Variants in SNX22 observed in about 807,000 individuals in gnomAD.
The protein encoded by SNX22 is sorting nexin-22.
SNX22 carries 23 observed loss-of-function variants against 24.7 expected under a neutral mutation model. The observed-to-expected ratio is 0.93, with a 90% CI of 0.67 to 1.32. SNX22 has a LOEUF of 1.32. SNX22 is among the 40% of genes most tolerant of loss of function. SNX22 has a pLI of 0.00. For missense variants in SNX22, 261 were observed against 249.9 expected (o/e 1.04, Z -0.30); for synonymous variants, 99 against 104.0 (o/e 0.95, Z 0.29).
At position 64,153,953 on chromosome 15, in the gene SNX22, G is replaced by A. The variant is rs1200048025; in HGVS notation, c.411G>A (p.Arg137=). Residue 137 remains arginine, a synonymous_variant, in exon 6 of 7, where the codon CGG becomes CGA. Transcript: ENST00000325881. The part of the protein sequence containing the change: ...PGDSSSQQHQ[R]PVLSFHVDPY... ...CTCCCAGCTCCCAGCAGCACCAGCG[G>A]CCTGTCCTGAGCTTCCATGTGGATC... 3.1e-6 allele frequency: 5 copies of A among 1,613,344 alleles called. No homozygotes were observed. Among genetic ancestry groups the A allele is most frequent in the Non-Finnish European group, 4.2e-6 (5 of 1,179,836 alleles).
Position 64,152,640 on chromosome 15 carries a change from C to G in SNX22, c.162C>G (p.Ile54Met). 1 of 1,614,100 alleles carries G rather than the reference C, an allele frequency of 6.2e-7. No individual in the cohort carries two copies. Among genetic ancestry groups the G allele is most frequent in the African/African-American group, 1.3e-5 (1 of 75,058 alleles). The change falls in exon 3 of 7, where the codon ATC becomes ATG. Residue 54 changes from isoleucine to methionine, a missense_variant and splice_region_variant. By Grantham distance (10) the Ile-to-Met change is conservative. Transcript: ENST00000325881. ...CGCACGCGGTAAACCTCCAGTAGATCAAGAAGCTGTACAAAGTGCCCGACT... is the reference window on the plus strand; with the variant it reads ...CGCACGCGGTAAACCTCCAGTAGATGAAGAAGCTGTACAAAGTGCCCGACT... ...YSEFHALHKR[I>M]KKLYKVPDFP...
Position 64,152,702 on chromosome 15 carries a change from G to A in SNX22, c.224G>A (p.Gly75Glu), listed in dbSNP as rs775513840. 3 of 1,614,222 alleles carry A rather than the reference G, an allele frequency of 1.9e-6. No individual in the cohort carries two copies. Among genetic ancestry groups the A allele is most frequent in the Non-Finnish European group, 2.5e-6 (3 of 1,180,046 alleles). Residue 75 changes from glycine (G) to glutamate (E), a missense_variant, in exon 3 of 7, where the codon GGG becomes GAG. By Grantham distance (98) the Gly-to-Glu change is moderately conservative. Coordinates refer to ENST00000325881, the MANE Select transcript of SNX22 (RefSeq NM_024798.3). ...CGCCTGCCCAACTGGAGGACCAGAG[G>A]GTTGGAACAGCGCCGGCAGGGCTTG... Reference protein sequence around the residue: ...SKRLPNWRTRGLEQRRQGLEA... With the variant: ...SKRLPNWRTRELEQRRQGLEA...
In SNX22 at chr15:64,153,638, T is replaced by C; in HGVS notation, c.360-14T>C. 2 of 1,614,032 alleles carry C rather than the reference T, an allele frequency of 1.2e-6. No individual in the cohort carries two copies. The highest frequency in any genetic ancestry group is 1.7e-6 in the Non-Finnish European group (2 of 1,180,000). On this transcript the variant is annotated splice_polypyrimidine_tract_variant and intron_variant, in intron 4 of 6. Coordinates refer to ENST00000325881, the MANE Select transcript of SNX22 (RefSeq NM_024798.3). ...GCATCCCCAGGCAGCTTACAGTGTTTCTCTTCTCTTCAGCACCCTGAGGGA... is the reference window on the plus strand; with the variant it reads ...GCATCCCCAGGCAGCTTACAGTGTTCCTCTTCTCTTCAGCACCCTGAGGGA...
At chr15:64,152,134 C>G in intron 1 of SNX22, 109 bp from the exon 2 acceptor site, 2 of 1,134,612 alleles carry the variant, frequency 1.8e-6, no homozygotes, top group South Asian at 3.9e-5. Flanking sequence ...GCCGCAAGGC[C>G]GCTTTGTGCC....
At position 64,156,333 on chromosome 15, in the gene SNX22, T is replaced by A; in HGVS notation, c.*1825T>A. On this transcript the variant is annotated 3_prime_UTR_variant, in exon 7 of 7. Coordinates refer to ENST00000325881, the MANE Select transcript of SNX22 (RefSeq NM_024798.3). The surrounding 1 kb of genome is among the most constrained non-coding windows in gnomAD (Gnocchi z 6.4). ...GGAGAATGCAGATTTGACGAGGGGG[T>A]ACAGGAATTTTGTTCCTTTGAAGTA... 1.2e-6 allele frequency: 1 copy of A among 808,904 alleles called. No homozygotes were observed. Among genetic ancestry groups the A allele is most frequent in the Non-Finnish European group, 2.0e-6 (1 of 497,750 alleles). 50.1% of individuals were successfully genotyped at this position (808,904 alleles called of 1,614,324 possible). A position where few individuals can be genotyped will look rare whatever the true frequency, so the allele number is the denominator to read the frequency against.
Position 64,153,359 on chromosome 15 carries a change from G to C in SNX22, c.359+20G>C. ...CTGGGGGTAAGGGGGGCCGATGGCG[G>C]GGGCCAGGGGCTGTCAGCAGTGAGC... On this transcript the variant is annotated intron_variant, in intron 4 of 6. Coordinates refer to ENST00000325881, the MANE Select transcript of SNX22 (RefSeq NM_024798.3). The C allele has an allele frequency of 6.2e-7, 1 of 1,613,166 alleles. No homozygotes were observed. The highest frequency in any genetic ancestry group is 8.5e-7 in the Non-Finnish European group (1 of 1,179,686).
intron 1 of SNX22, 81 bp downstream of exon 1, chr15:64,151,931 C>G: frequency 1.5e-6 from 2 of 1,338,448 alleles, no homozygotes; most frequent in African/African-American, 1.5e-5. Flanking sequence ...ACCCGGGGCC[C>G]GGGCCTGGGT....
Position 64,156,850 on chromosome 15 carries a change from G to A in SNX22, c.*2342G>A, listed in dbSNP as rs774166877. The A allele has an allele frequency of 1.2e-6, 2 of 1,614,182 alleles. No homozygotes were observed. Among genetic ancestry groups the A allele is most frequent in the South Asian group, 1.1e-5 (1 of 91,084 alleles). On this transcript the variant is annotated 3_prime_UTR_variant, in exon 7 of 7. Coordinates refer to ENST00000325881, the MANE Select transcript of SNX22 (RefSeq NM_024798.3). The surrounding 1 kb of genome is among the most constrained non-coding windows in gnomAD (Gnocchi z 6.4). ...GCGTTGGCCATGCTCACCCAGCCAG[G>A]CCCGTAGTGCTTCAGTTTGAAGTTC...
At position 64,156,454 on chromosome 15, in the gene SNX22, C is replaced by T; in HGVS notation, c.*1946C>T. On this transcript the variant is annotated 3_prime_UTR_variant, in exon 7 of 7. Transcript: ENST00000325881. This position sits in a 1 kb window ranked among gnomAD's most constrained non-coding sequence, Gnocchi z 6.4. ...GCGTTCAGCTGCACTCTGTATACCT[C>T]AGGGGTGGGACCAGCACGTCACTGA... is the stretch of plus-strand genomic sequence containing the variant. 1.6e-6 allele frequency: 1 copy of T among 617,290 alleles called. No homozygotes were observed. Among genetic ancestry groups the T allele is most frequent in the Non-Finnish European group, 2.9e-6 (1 of 348,092 alleles). 38.2% of individuals were successfully genotyped at this position (617,290 alleles called of 1,614,324 possible).
intron 1 of SNX22, 26 bp from the exon 2 acceptor site, chr15:64,152,217 G>C: frequency 7.2e-7 from 1 of 1,387,222 alleles, no homozygotes; most frequent in Non-Finnish European, 9.2e-7. Context: ...CTCACGCGCA[G>C]ACCCGCTGCC....
chr15:64,152,021 A>G, intron 1 of SNX22, 171 bp downstream of exon 1: 2 of 797,112 alleles, frequency 2.5e-6, no homozygotes, highest in Non-Finnish European at 3.7e-6. Context: ...AGCCTCGCGG[A>G]CCATGGTTCG....
intron 6 of SNX22, 28 bp downstream of exon 6, chr15:64,154,030 C>T: frequency 3.7e-6 from 6 of 1,614,164 alleles, no homozygotes; most frequent in Non-Finnish European, 5.1e-6. Context: ...TATGGGGCTA[C>T]AGGGCTGGGT....
chr15:64,152,351 G>C, intron 2 of SNX22, 25 bp downstream of exon 2: 2 of 1,495,278 alleles, frequency 1.3e-6, no homozygotes, highest in South Asian at 1.3e-5. Flanking sequence ...ACCTCCCACC[G>C]GCCCCGGCCC....
In SNX22 at chr15:64,152,346, C is replaced by A; in HGVS notation, c.159+20C>A. 1 of 1,502,090 alleles carries A rather than the reference C, an allele frequency of 6.7e-7. No homozygotes were observed. Among genetic ancestry groups the A allele is most frequent in the South Asian group, 1.3e-5 (1 of 78,950 alleles). The allele number at this position is 1,502,090 out of a possible 1,614,324, so 93.0% of individuals were successfully genotyped here. A position where few individuals can be genotyped will look rare whatever the true frequency, so the allele number is the denominator to read the frequency against. ...AAGCGGGTGAGGCGGCGCCGACCTC[C>A]CACCGGCCCCGGCCCAGCCTCTGTC... On this transcript the variant is annotated intron_variant, in intron 2 of 6. Coordinates refer to ENST00000325881, the MANE Select transcript of SNX22 (RefSeq NM_024798.3).
chr15:64,154,772 T>G lies in SNX22; in HGVS notation c.*264T>G. 2.9e-6 allele frequency: 1 copy of G among 345,500 alleles called. No individual in the cohort carries two copies. Among genetic ancestry groups the G allele is most frequent in the South Asian group, 4.3e-5 (1 of 23,114 alleles). 21.4% of individuals were successfully genotyped at this position (345,500 alleles called of 1,614,324 possible). A position where few individuals can be genotyped will look rare whatever the true frequency, so the allele number is the denominator to read the frequency against. On this transcript the variant is annotated 3_prime_UTR_variant, in exon 7 of 7. Coordinates refer to ENST00000325881, the MANE Select transcript of SNX22 (RefSeq NM_024798.3). ...GAGGAAGTCAGCCAGGCGCGGTGGC[T>G]CATGCCTGTAATCCCAGCACTTTGG...
chr15:64,156,224 C>T lies in SNX22; in HGVS notation c.*1716C>T. ...TCAGGAGAAAGGCCCCAGCGTATGG[C>T]TCAGGAGGGCTAAGACCCACAAGTG... On this transcript the variant is annotated 3_prime_UTR_variant, in exon 7 of 7. Transcript: ENST00000325881. This position sits in a 1 kb window ranked among gnomAD's most constrained non-coding sequence, Gnocchi z 6.4. 1 of 1,567,926 alleles carries T rather than the reference C, an allele frequency of 6.4e-7. No individual in the cohort carries two copies. The highest frequency in any genetic ancestry group is 1.8e-5 in the Admixed American group (1 of 56,058).
At chr15:64,152,060 G>A in intron 1 of SNX22, 183 bp from the exon 2 acceptor site, 4 of 757,500 alleles carry the variant, frequency 5.3e-6, no homozygotes, top group Non-Finnish European at 5.9e-6. Context: ...GGGCTCCGAG[G>A]GGCAGGTCCG....
chr15:64,153,965 C>T lies in SNX22; in HGVS notation c.423C>T (p.Ser141=). Residue 141 remains serine, a synonymous_variant, in exon 6 of 7, where the codon AGC becomes AGT. Transcript: ENST00000325881. Reference sequence around the variant, plus strand: ...AGCAGCACCAGCGGCCTGTCCTGAGCTTCCATGTGGATCCCTATGTTTGCA... The same window carrying T: ...AGCAGCACCAGCGGCCTGTCCTGAGTTTCCATGTGGATCCCTATGTTTGCA... ...SSQQHQRPVL[S]FHVDPYVCNP... The T allele has an allele frequency of 6.2e-7, 1 of 1,613,872 alleles. No individual in the cohort carries two copies. The highest frequency in any genetic ancestry group is 8.5e-7 in the Non-Finnish European group (1 of 1,179,952).
In SNX22 at chr15:64,156,914, G is replaced by GA. The variant is rs1269564174; in HGVS notation, c.*2412dup. On this transcript the variant is annotated 3_prime_UTR_variant, in exon 7 of 7. Coordinates refer to ENST00000325881, the MANE Select transcript of SNX22 (RefSeq NM_024798.3). The surrounding 1 kb of genome is among the most constrained non-coding windows in gnomAD (Gnocchi z 6.4). ...GCTCACCGTAGATGCTCTTTCCTGG[G>GA]AAAAAAGACAGAGCAGGTCAGGGGC... 1.7e-5 allele frequency: 28 copies of GA among 1,613,812 alleles called. No homozygotes were observed. The highest frequency in any genetic ancestry group is 2.2e-5 in the Non-Finnish European group (26 of 1,179,940).
Sources: allele counts gnomAD v4.1 joint callset, GRCh38; gene constraint gnomAD v4.1.1; non-coding constraint Gnocchi (gnomAD v3.1); transcripts MANE v1.5; gene names NCBI Gene and HGNC (gene_info 2026-07-23, HGNC 2026-07-21).